Variants in SYNJ1 observed in about 807,000 individuals in gnomAD.
SYNJ1 encodes synaptojanin 1.
A neutral mutation model predicts 168.2 loss-of-function variants in SYNJ1; 78 were observed. The observed-to-expected ratio is 0.46, with a 90% CI of 0.39 to 0.56. The LOEUF (loss-of-function observed/expected upper bound fraction) is 0.56. Ranked by LOEUF, SYNJ1 falls within the 20% of genes least tolerant of loss-of-function variation. The probability of loss-of-function intolerance (pLI) is 0.00; values close to 1 mark genes in which losing one functional copy is unlikely to be tolerated. For synonymous variants in SYNJ1, 539 were observed against 548.6 expected (o/e 0.98, Z 0.24); for missense variants, 1,303 against 1,597.6 (o/e 0.82, Z 3.14).
chr21:32,643,793 A>G (rs1360475559), intron 26 of SYNJ1, among the ~76,000 whole-genome samples: 1 of 152,128 alleles, frequency 6.6e-6, no homozygotes, highest in Non-Finnish European at 1.5e-5. Flanking sequence ...GCAAGTAAAA[A>G]CTCTGATATT....
At chr21:32,638,626 G>A (rs1178617639) in intron 31 of SYNJ1, among the ~76,000 whole-genome samples, 5 of 152,108 alleles carry the variant, frequency 3.3e-5, no homozygotes, top group African/African-American at 4.8e-5. Flanking sequence ...GAACCCGGGA[G>A]GCGGAGGTTG....
At chr21:32,632,291 T>A (rs1299637867) in intron 32 of SYNJ1, among the ~76,000 whole-genome samples, 2 of 152,248 alleles carry the variant, frequency 1.3e-5, no homozygotes, top group African/African-American at 2.4e-5. Context: ...ATAGATAAAA[T>A]TAATTCTATT....
chr21:32,638,977 G>A lies in SYNJ1; in HGVS notation c.3846C>T (p.Thr1282=). 6.2e-7 allele frequency: 1 copy of A among 1,614,018 alleles called. No individual in the cohort carries two copies. The highest frequency in any genetic ancestry group is 8.5e-7 in the Non-Finnish European group (1 of 1,179,934). ...TGCTTCGAGGTGGTGGTTGTGGTGG[G>A]GTTTCCAAATTTGGCTGGGGGCCAG... ...PQSGPQPNLE[T]PPQPPPRSRS... Residue 1282 remains threonine (T), a synonymous_variant, in exon 31 of 33, where the codon ACC becomes ACT. Transcript: ENST00000674351.
intron 21 of SYNJ1, chr21:32,654,152 G>T (rs957469717): frequency 6.6e-6 from 1 of 151,998 alleles, no homozygotes; most frequent in African/African-American, 2.4e-5. Context: ...TTTCCACAAT[G>T]AGAGGAAAAC....
At chr21:32,681,673 T>C in intron 10 of SYNJ1, 25 bp from the exon 11 acceptor site, 1 of 1,591,872 alleles carries the variant, frequency 6.3e-7, no homozygotes, top group Non-Finnish European at 8.5e-7. Context: ...AAGAAATTTT[T>C]ATAAGTACAT....
intron 4 of SYNJ1, among the ~76,000 whole-genome samples, chr21:32,698,810 C>A (rs2042298452): frequency 6.6e-6 from 1 of 152,154 alleles, no homozygotes; most frequent in South Asian, 2.1e-4. Context: ...TGAATCAAGA[C>A]CACCTACTTA....
At position 32,685,740 on chromosome 21, in the gene SYNJ1, A is replaced by G. The variant is rs767288382; in HGVS notation, c.1118+8T>C. On this transcript the variant is annotated splice_region_variant and intron_variant, in intron 9 of 32. Transcript: ENST00000674351. Reference sequence around the variant, plus strand: ...AATTCAAAGAACAGAGAAACAGAACAGTCAAACCTTTGAACTTCACTTCCA... The same window carrying G: ...AATTCAAAGAACAGAGAAACAGAACGGTCAAACCTTTGAACTTCACTTCCA... 1.3e-6 allele frequency: 2 copies of G among 1,582,380 alleles called. No homozygotes were observed. Among genetic ancestry groups the G allele is most frequent in the Non-Finnish European group, 1.7e-6 (2 of 1,168,242 alleles).
chr21:32,718,670 A>C (rs541941051), intron 2 of SYNJ1, among the ~76,000 whole-genome samples: 83 of 152,252 alleles, frequency 5.5e-4, no homozygotes, highest in Admixed American at 1.1e-3. Context: ...TTAAAAAAAA[A>C]AAACAAACTA....
intron 31 of SYNJ1, among the ~76,000 whole-genome samples, chr21:32,636,866 T>A (rs956826920): frequency 3.7e-4 from 56 of 152,144 alleles, no homozygotes; most frequent in Admixed American, 3.4e-3. Flanking sequence ...GGCAAAAAGA[T>A]ACTTCAGGAT....
intron 14 of SYNJ1, chr21:32,670,692 C>A (rs1184901128): frequency 1.4e-6 from 1 of 708,234 alleles, no homozygotes; most frequent in East Asian, 1.3e-4. Context: ...ATCAAAATCT[C>A]ACATAAAACT....
intron 29 of SYNJ1, 80 bp from the exon 30 acceptor site, chr21:32,639,859 T>C (rs981009295): frequency 1.7e-6 from 2 of 1,197,482 alleles, no homozygotes; most frequent in Non-Finnish European, 2.4e-6. Context: ...TGCTTTTGCA[T>C]CTCATTTACT....
intron 2 of SYNJ1, among the ~76,000 whole-genome samples, chr21:32,704,659 A>G (rs2042539231): frequency 6.6e-6 from 1 of 152,116 alleles, no homozygotes; most frequent in Non-Finnish European, 1.5e-5. Context: ...AGAGCTTGAG[A>G]GGGATGGGAA....
In SYNJ1 at chr21:32,656,811, G is replaced by A; in HGVS notation, c.2671C>T (p.Pro891Ser). 6.2e-7 allele frequency: 1 copy of A among 1,614,098 alleles called. No individual in the cohort carries two copies. The highest frequency in any genetic ancestry group is 8.5e-7 in the Non-Finnish European group (1 of 1,180,014). ...GAGACCAATACTGTACCATCTGGTG[G>A]ACCCTGAACTGCAATTACTTCTTTA... is the stretch of plus-strand genomic sequence containing the variant. ...IYKEVIAVQG[P>S]PDGTVLVSIK... Residue 891 changes from proline to serine, a missense_variant, in exon 21 of 33, where the codon CCA becomes TCA. This residue lies in a region of SYNJ1 where 920 missense variants were observed against 1,208.8 expected (regional missense o/e 0.76). Coordinates refer to ENST00000674351, the MANE Select transcript of SYNJ1 (RefSeq NM_203446.3).
chr21:32,708,175 T>A (rs1315586014), intron 2 of SYNJ1, among the ~76,000 whole-genome samples: 1 of 152,200 alleles, frequency 6.6e-6, no homozygotes, highest in Non-Finnish European at 1.5e-5. Context: ...ATAGGCATTG[T>A]TAAATGGTTG....
In SYNJ1 at chr21:32,678,608, G is replaced by T. The variant is rs141255303; in HGVS notation, c.1510+37C>A. 1.9e-5 allele frequency: 29 copies of T among 1,518,050 alleles called. No individual in the cohort carries two copies. The Admixed American group carries it at 6.2e-4, about 33-fold the overall frequency. The allele number at this position is 1,518,050 out of a possible 1,614,324, so 94.0% of individuals were successfully genotyped here. A position where few individuals can be genotyped will look rare whatever the true frequency, so the allele number is the denominator to read the frequency against. ...TTACATTTACCTCTTGGACCTTTAG[G>T]AATATAAATAACAAATAAAATATAA... On this transcript the variant is annotated intron_variant, in intron 12 of 32. Transcript: ENST00000674351.
In SYNJ1 at chr21:32,670,442, C is replaced by A; in HGVS notation, c.1727-70G>T. ...CAAATAGCAACCCCATCCAACACAA[C>A]ATAACACCAGGTCTCATAAAGACTG... On this transcript the variant is annotated intron_variant, in intron 14 of 32. Coordinates refer to ENST00000674351, the MANE Select transcript of SYNJ1 (RefSeq NM_203446.3). 3 of 1,161,808 alleles carry A rather than the reference C, an allele frequency of 2.6e-6. No homozygotes were observed. In the South Asian group the frequency reaches 3.9e-5, roughly 15 times the overall value. 72.0% of individuals were successfully genotyped at this position (1,161,808 alleles called of 1,614,324 possible). A position where few individuals can be genotyped will look rare whatever the true frequency, so the allele number is the denominator to read the frequency against.
At position 32,727,970 on chromosome 21, in the gene SYNJ1, C is replaced by G. The variant is rs1018405878; in HGVS notation, c.-47G>C. 19 of 1,534,770 alleles carry G rather than the reference C, an allele frequency of 1.2e-5. No individual in the cohort carries two copies. The African/African-American group carries it at 2.3e-4, about 19-fold the overall frequency. ...CCTCTTCCTCCGGCTCCTCCTCCTC[C>G]TTCTCCCGCAGCCGCCGCCACAGCC... is the stretch of plus-strand genomic sequence containing the variant. On this transcript the variant is annotated 5_prime_UTR_variant, in exon 1 of 33. Transcript: ENST00000674351.
intron 27 of SYNJ1, among the ~76,000 whole-genome samples, chr21:32,642,374 A>G (rs908841724): frequency 3.9e-5 from 6 of 152,126 alleles, no homozygotes; most frequent in African/African-American, 1.4e-4. Flanking sequence ...TGGTGACTTT[A>G]GTTTGATATC....
At chr21:32,657,968 A>T (rs1433094028) in intron 18 of SYNJ1, 96 bp from the exon 19 acceptor site, 12 of 945,664 alleles carry the variant, frequency 1.3e-5, no homozygotes, top group Non-Finnish European at 1.6e-5. Context: ...TACATGCTGG[A>T]TGCTCTCAGA....
Sources: gnomAD v4.1 joint callset for allele counts (sites outside exome capture counted in the v4.1 genomes callset) on GRCh38, gnomAD v4.1.1 for gene constraint, gnomAD v4.1.1 regional missense constraint, MANE v1.5 for transcripts, NCBI Gene and HGNC (gene_info 2026-07-23, HGNC 2026-07-21) for gene names.